The following CPEB3 variants were observed in gnomAD, a reference collection of about 807,000 sequenced individuals.
CPEB3 encodes cytoplasmic polyadenylation element-binding protein 3.
In CPEB3, 20 loss-of-function variants were observed where a neutral mutation model predicts 67.2. The observed-to-expected ratio is 0.30, with a 90% CI of 0.21 to 0.43. The LOEUF (loss-of-function observed/expected upper bound fraction) is 0.43, where lower values mean the gene tolerates loss of function less well. Among genes scored for constraint, CPEB3 ranks in the 20% least tolerant of loss-of-function variants. The pLI, the probability that CPEB3 is intolerant of heterozygous loss-of-function variation, is 1.00. For synonymous variants in CPEB3, 376 were observed against 393.1 expected (o/e 0.96, Z 0.51); for missense variants, 746 against 968.6 (o/e 0.77, Z 3.05).
At chr10:92,217,248 T>C (rs529212069) in intron 2 of CPEB3, among the ~76,000 whole-genome samples, 104 of 127,276 alleles carry the variant, frequency 8.2e-4, no homozygotes, top group South Asian at 1.8e-3. Context: ...TATATATATA[T>C]ACACACACAC....
At chr10:92,192,849 C>T (rs1197923422) in intron 2 of CPEB3, among the ~76,000 whole-genome samples, 4 of 152,000 alleles carry the variant, frequency 2.6e-5, no homozygotes, top group Non-Finnish European at 5.9e-5. Flanking sequence ...AATGTCTAGG[C>T]TCAAGCAATC....
intron 3 of CPEB3, among the ~76,000 whole-genome samples, chr10:92,190,650 A>T: frequency 7.3e-6 from 1 of 136,344 alleles, no homozygotes. Flanking sequence ...GGGCAACAAG[A>T]GCGAAACTCC....
At chr10:92,055,902 C>T (rs936729552) in intron 9 of CPEB3, among the ~76,000 whole-genome samples, 4 of 152,130 alleles carry the variant, frequency 2.6e-5, no homozygotes, top group African/African-American at 9.7e-5. Context: ...CCTGTAGTCC[C>T]AGCTACTTGG....
chr10:92,115,850 G>A (rs554472488), intron 6 of CPEB3, among the ~76,000 whole-genome samples: 46 of 152,220 alleles, frequency 3.0e-4, no homozygotes, highest in African/African-American at 8.9e-4. Context: ...TTTAGTATGC[G>A]ATCATCATTT....
At chr10:92,265,111 G>A (rs577911375) in intron 1 of CPEB3, among the ~76,000 whole-genome samples, 11 of 151,006 alleles carry the variant, frequency 7.3e-5, no homozygotes, top group Non-Finnish European at 1.3e-4. Flanking sequence ...GCAGTGAGCC[G>A]ATCCTGACAC....
intron 9 of CPEB3, among the ~76,000 whole-genome samples, chr10:92,071,771 A>G (rs1842763769): frequency 6.6e-6 from 1 of 152,116 alleles, no homozygotes; most frequent in Non-Finnish European, 1.5e-5. Context: ...ATGACCACAC[A>G]GAGTAGACAA....
chr10:92,151,792 C>T (rs1190607296), intron 4 of CPEB3, among the ~76,000 whole-genome samples: 2 of 152,160 alleles, frequency 1.3e-5, no homozygotes, highest in Non-Finnish European at 2.9e-5. Context: ...AAGGTTAATT[C>T]AGCAACCTGA....
At chr10:92,256,907 T>C (rs921311850) in intron 1 of CPEB3, among the ~76,000 whole-genome samples, 2 of 152,238 alleles carry the variant, frequency 1.3e-5, no homozygotes, top group African/African-American at 4.8e-5. Flanking sequence ...GGTTTGGGAC[T>C]ATATTCATCT....
intron 1 of CPEB3, among the ~76,000 whole-genome samples, chr10:92,254,474 G>A (rs1852436077): frequency 6.6e-6 from 1 of 152,170 alleles, no homozygotes; most frequent in Non-Finnish European, 1.5e-5. Flanking sequence ...GTAGCCAGGT[G>A]AGCTAGATGT....
In CPEB3 at chr10:92,111,079, C is replaced by T. The variant is rs769427027; in HGVS notation, c.1569G>A (p.Lys523=). 1.1e-5 allele frequency: 17 copies of T among 1,606,460 alleles called. No homozygotes were observed. The African/African-American group carries it at 2.1e-4, about 20-fold the overall frequency. ...CAGCTGGCCATGTATTACTTACTGG[C>T]TTGTCCTTGATGGTGGGGCTTGACA... ...LCVSSPTIKD[K]PVQIRPWNLS... Residue 523 remains lysine, a synonymous_variant, in exon 7 of 10, where the codon AAG becomes AAA. Coordinates refer to ENST00000265997, the MANE Select transcript of CPEB3 (RefSeq NM_014912.5).
Position 92,052,057 on chromosome 10 carries a change from T to C in CPEB3, c.*155A>G, listed in dbSNP as rs1042078440. 17 of 591,938 alleles carry C rather than the reference T, an allele frequency of 2.9e-5. No homozygotes were observed. The highest frequency in any genetic ancestry group is 4.5e-5 in the Non-Finnish European group (15 of 333,290). 36.7% of individuals were successfully genotyped at this position (591,938 alleles called of 1,614,324 possible). A position where few individuals can be genotyped will look rare whatever the true frequency, so the allele number is the denominator to read the frequency against. On this transcript the variant is annotated 3_prime_UTR_variant, in exon 10 of 10. Transcript: ENST00000265997. Reference sequence around the variant, plus strand: ...GACACTGAGTTCAGTAATATGACTGTAAATAATAATAATAATAATAAAAAG... The same window carrying C: ...GACACTGAGTTCAGTAATATGACTGCAAATAATAATAATAATAATAAAAAG...
chr10:92,217,906 C>A (rs558705632), intron 2 of CPEB3, among the ~76,000 whole-genome samples: 5 of 152,158 alleles, frequency 3.3e-5, no homozygotes, highest in African/African-American at 1.2e-4. Flanking sequence ...CAGCTTGAGC[C>A]CAGGAGTTCA....
intron 2 of CPEB3, among the ~76,000 whole-genome samples, chr10:92,212,439 G>C (rs962891963): frequency 1.7e-4 from 26 of 151,646 alleles, no homozygotes; most frequent in African/African-American, 5.6e-4. Flanking sequence ...AATAGAGATG[G>C]GGTTTCACCA....
At chr10:92,075,689 A>G (rs1842907660) in intron 9 of CPEB3, among the ~76,000 whole-genome samples, 1 of 152,210 alleles carries the variant, frequency 6.6e-6, no homozygotes, top group African/African-American at 2.4e-5. Context: ...ATTAAATAAT[A>G]TAAATGTTGC....
intron 9 of CPEB3, 61 bp from the exon 10 acceptor site, chr10:92,052,500 CT>C: frequency 1.4e-6 from 2 of 1,460,642 alleles, no homozygotes; most frequent in Admixed American, 3.4e-5. Context: ...ACATGTCTTG[CT>C]TTTGAGAGTT....
At chr10:92,168,576 GGATT>G (rs965131831) in intron 4 of CPEB3, among the ~76,000 whole-genome samples, 1 of 151,906 alleles carries the variant, frequency 6.6e-6, no homozygotes, top group African/African-American at 2.4e-5. Context: ...TTGAATCATG[GGATT>G]GGTTACCCCC....
At position 92,192,622 on chromosome 10, in the gene CPEB3, G is replaced by A; in HGVS notation, c.1020C>T (p.Pro340=). Residue 340 remains proline (P), a synonymous_variant, in exon 3 of 10, where the codon CCC becomes CCT. Transcript: ENST00000265997. ...ACGAGTGCAAGTTAAAAGTATCATA[G>A]GGCCTACTCCGGTCCTAAGAATAAA... is the stretch of plus-strand genomic sequence containing the variant. The part of the protein sequence containing the change: ...NLLPFQDRSR[P]YDTFNLHSLE... 6.2e-7 allele frequency: 1 copy of A among 1,604,518 alleles called. No homozygotes were observed. Among genetic ancestry groups the A allele is most frequent in the Non-Finnish European group, 8.5e-7 (1 of 1,176,042 alleles).
intron 1 of CPEB3, among the ~76,000 whole-genome samples, chr10:92,259,558 G>T (rs891682311): frequency 6.6e-6 from 1 of 150,622 alleles, no homozygotes; most frequent in African/African-American, 2.4e-5. Context: ...CCGAGATCGT[G>T]CCACTGCACT....
chr10:92,195,497 C>T (rs1044647430), intron 2 of CPEB3, among the ~76,000 whole-genome samples: 2 of 152,168 alleles, frequency 1.3e-5, no homozygotes, highest in Non-Finnish European at 2.9e-5. Flanking sequence ...CTATCATATA[C>T]TTTGTCCAAA....
Sources: gnomAD v4.1 joint callset for allele counts (sites outside exome capture counted in the v4.1 genomes callset) on GRCh38, gnomAD v4.1.1 for gene constraint, MANE v1.5 for transcripts, NCBI Gene and HGNC (gene_info 2026-07-23, HGNC 2026-07-21) for gene names.